Variants in GALNT16 observed in about 807,000 individuals in gnomAD.
GALNT16 encodes UDP-GalNAc:polypeptide N-acetylgalactosaminyltransferase-like protein 1.
A neutral mutation model predicts 76.1 loss-of-function variants in GALNT16; 40 were observed. That is an observed-to-expected ratio of 0.53 (90% CI 0.41 to 0.68). The LOEUF (loss-of-function observed/expected upper bound fraction) is 0.68, where lower values mean the gene tolerates loss of function less well. Among genes scored for constraint, GALNT16 ranks in the 30% least tolerant of loss-of-function variants. The pLI is 0.00. For missense variants in GALNT16, 621 were observed against 731.9 expected (o/e 0.85, Z 1.75); for synonymous variants, 276 against 285.2 (o/e 0.97, Z 0.32).
At chr14:69,339,349 G>T (rs895761013) in intron 10 of GALNT16, among the ~76,000 whole-genome samples, 178 bp from the exon 11 acceptor site, 7 of 152,196 alleles carry the variant, frequency 4.6e-5, no homozygotes, top group Admixed American at 4.6e-4. Context: ...TACCTACAAA[G>T]TCGATGGGTA....
At chr14:69,327,525 A>G (rs1243751925) in intron 5 of GALNT16, among the ~76,000 whole-genome samples, 1 of 152,214 alleles carries the variant, frequency 6.6e-6, no homozygotes, top group Non-Finnish European at 1.5e-5. Context: ...GGATTTGACA[A>G]CAGTAAATGT....
intron 1 of GALNT16, among the ~76,000 whole-genome samples, chr14:69,311,664 C>T (rs1269795547): frequency 6.6e-6 from 1 of 152,138 alleles, no homozygotes; most frequent in African/African-American, 2.4e-5. Flanking sequence ...TAAATTTGAC[C>T]CACAGTGCCA....
chr14:69,285,269 T>C (rs2140121478), intron 1 of GALNT16, among the ~76,000 whole-genome samples: 1 of 152,278 alleles, frequency 6.6e-6, no homozygotes, highest in East Asian at 1.9e-4. Flanking sequence ...CTCGATCTCC[T>C]GACCTCGGCC....
chr14:69,299,293 G>A (rs1042087455), intron 1 of GALNT16, among the ~76,000 whole-genome samples: 1 of 152,192 alleles, frequency 6.6e-6, no homozygotes, highest in Non-Finnish European at 1.5e-5. Flanking sequence ...TGTTTGTCAA[G>A]GCTGTTCTCA....
intron 6 of GALNT16, among the ~76,000 whole-genome samples, chr14:69,330,970 C>T (rs1002387010): frequency 1.3e-5 from 2 of 152,050 alleles, no homozygotes; most frequent in African/African-American, 4.8e-5. Flanking sequence ...ACCTCGGAGC[C>T]CCTGCCCTCC....
upstream of GALNT16, chr14:69,260,078 C>G: frequency 2.0e-6 from 1 of 505,452 alleles, no homozygotes; most frequent in Non-Finnish European, 3.5e-6. Context: ...CGCGCGCGCT[C>G]GGGGCTGAAG....
intron 1 of GALNT16, among the ~76,000 whole-genome samples, chr14:69,303,697 T>C (rs2044887029): frequency 6.6e-6 from 1 of 152,180 alleles, no homozygotes; most frequent in African/African-American, 2.4e-5. Flanking sequence ...AGTATACCCT[T>C]CCTGTCAAGG....
At chr14:69,355,094 C>A, downstream of GALNT16, 1 of 152,332 alleles carries the variant, frequency 6.6e-6, no homozygotes. Flanking sequence ...CTGAACCTAC[C>A]CAGGTAAAAA....
Position 69,324,724 on chromosome 14 carries a change from C to T in GALNT16, c.368C>T (p.Pro123Leu), listed in dbSNP as rs755175270. ...CPSVSYSSDL[P>L]ATSVIITFHN... ...TCTGTGTCCTACTCCTCGGACCTGC[C>T]AGCCACCAGCGTCATCATCACCTTC... The change falls in exon 3 of 15, where the codon CCA (proline) becomes CTA (leucine). Residue 123 changes from proline (P) to leucine (L), a missense_variant. Coordinates refer to ENST00000448469, the MANE Select transcript of GALNT16 (RefSeq NM_001168368.2). 6.2e-7 allele frequency: 1 copy of T among 1,612,916 alleles called. No homozygotes were observed. Among genetic ancestry groups the T allele is most frequent in the East Asian group, 2.2e-5 (1 of 44,824 alleles).
rs569128271 is a variant in GALNT16 at position 69,275,202 on chromosome 14, G to A, written c.177+14735G>A. On this transcript the variant is annotated intron_variant, in intron 1 of 14. Transcript: ENST00000448469. Reference sequence around the variant, plus strand: ...AGGTCTTAGGGACTAGAAGGGTGCAGCCTGGGGAGAGCCCCTGCAATTGGC... The same window carrying A: ...AGGTCTTAGGGACTAGAAGGGTGCAACCTGGGGAGAGCCCCTGCAATTGGC... Among the ~76,000 whole-genome samples, 4 of 152,272 alleles carry A rather than the reference G, an allele frequency of 2.6e-5. No homozygotes were observed. In the East Asian group the frequency reaches 7.7e-4, roughly 29 times the overall value.
chr14:69,316,538 G>T (rs1055956126), intron 1 of GALNT16, among the ~76,000 whole-genome samples: 16 of 152,204 alleles, frequency 1.1e-4, no homozygotes, highest in Admixed American at 1.0e-3. Flanking sequence ...GTCGGGTTGG[G>T]GTCACAGAGT....
intron 1 of GALNT16, among the ~76,000 whole-genome samples, chr14:69,311,164 G>A (rs769338878): frequency 6.6e-6 from 1 of 152,178 alleles, no homozygotes; most frequent in Non-Finnish European, 1.5e-5. Flanking sequence ...GGAAACCCAA[G>A]ATCAAGGCAC....
intron 1 of GALNT16, among the ~76,000 whole-genome samples, chr14:69,287,312 G>A (rs922135473): frequency 1.9e-4 from 29 of 152,244 alleles, no homozygotes; most frequent in African/African-American, 7.0e-4. Context: ...AGGTCTGGTT[G>A]CTGTTGCAGG....
chr14:69,312,691 T>C (rs1421839415), intron 1 of GALNT16, among the ~76,000 whole-genome samples: 2 of 152,174 alleles, frequency 1.3e-5, no homozygotes, highest in African/African-American at 2.4e-5. Flanking sequence ...TTTTGAGCCA[T>C]AGTCAAGAAG....
At chr14:69,270,988 G>T (rs555947605) in intron 1 of GALNT16, among the ~76,000 whole-genome samples, 4 of 152,042 alleles carry the variant, frequency 2.6e-5, no homozygotes, top group African/African-American at 4.8e-5. Flanking sequence ...CAAACACACC[G>T]CAGGGACCAG....
the GALNT16 span, among the ~76,000 whole-genome samples, chr14:69,384,191 T>C: frequency 6.6e-6 from 1 of 152,202 alleles, no homozygotes; most frequent in Admixed American, 6.5e-5. Flanking sequence ...ATCATTCTAC[T>C]CCTGGCAAAT....
intron 1 of GALNT16, among the ~76,000 whole-genome samples, chr14:69,266,981 G>C (rs967397233): frequency 1.3e-5 from 2 of 152,210 alleles, no homozygotes; most frequent in Admixed American, 6.5e-5. Flanking sequence ...TCCCAAGACC[G>C]AGGCCTGCAT....
chr14:69,341,071 G>A (rs531746958), intron 11 of GALNT16, among the ~76,000 whole-genome samples: 7 of 152,182 alleles, frequency 4.6e-5, no homozygotes, highest in African/African-American at 1.7e-4. Flanking sequence ...CACCTGCCCT[G>A]TGCTAAGTGC....
intron 1 of GALNT16, among the ~76,000 whole-genome samples, chr14:69,301,299 A>C (rs8008878): frequency 0.82 from 124,243 of 152,186 alleles, 51,575 homozygotes; most frequent in East Asian, 1. Context: ...TCCCTACATC[A>C]CCCAGAAAAG....
Sources: allele counts gnomAD v4.1 joint callset (sites outside exome capture counted in the v4.1 genomes callset), GRCh38; gene constraint gnomAD v4.1.1; transcripts MANE v1.5; gene names NCBI Gene and HGNC (gene_info 2026-07-23, HGNC 2026-07-21).